The following KCNJ8 variants were observed in gnomAD, a reference collection of about 807,000 sequenced individuals.
KCNJ8 encodes potassium inwardly rectifying channel subfamily J member 8.
KCNJ8 carries 13 observed loss-of-function variants against 28.2 expected under a neutral mutation model. The observed-to-expected ratio is 0.46, with a 90% CI of 0.30 to 0.73. KCNJ8 has a LOEUF of 0.73. Ranked by LOEUF, KCNJ8 falls within the 30% of genes least tolerant of loss-of-function variation. The pLI, the probability that KCNJ8 is intolerant of heterozygous loss-of-function variation, is 0.07. For synonymous variants in KCNJ8, 188 were observed against 195.9 expected (o/e 0.96, Z 0.34); for missense variants, 284 against 542.6 (o/e 0.52, Z 4.73).
rs869253107 is a variant in KCNJ8, at chr12:21,767,322, CA to C, written c.375-700del. Among the ~76,000 whole-genome samples the C allele has an allele frequency of 7.3e-4, 78 of 106,134 alleles. 1 individual carries two copies. The highest frequency in any genetic ancestry group is 1.7e-3 in the African/African-American group (37 of 21,322). 69.6% of individuals were successfully genotyped at this position (106,134 alleles called of 152,430 possible). A position where few individuals can be genotyped will look rare whatever the true frequency, so the allele number is the denominator to read the frequency against. Reference sequence around the variant, plus strand: ...AGGGGTCCCCAACCCCCCCCCCCCCCACCTCCAGGCCAGGGACCAGTGCTGG... The same window carrying C: ...AGGGGTCCCCAACCCCCCCCCCCCCCCCTCCAGGCCAGGGACCAGTGCTGG... On this transcript the variant is annotated intron_variant, in intron 2 of 2. Transcript: ENST00000240662.
intron 2 of KCNJ8, among the ~76,000 whole-genome samples, chr12:21,768,348 C>A (rs1338082132): frequency 6.6e-6 from 1 of 152,196 alleles, no homozygotes; most frequent in Admixed American, 6.5e-5. Flanking sequence ...ATGAGCCATG[C>A]CCATATAAGA....
In KCNJ8 at chr12:21,765,260, G is replaced by A. The variant is rs1940589945; in HGVS notation, c.*463C>T. The A allele has an allele frequency of 4.2e-6, 1 of 237,696 alleles. No homozygotes were observed. Among genetic ancestry groups the A allele is most frequent in the South Asian group, 5.5e-5 (1 of 18,078 alleles). The allele number at this position is 237,696 out of a possible 1,614,324, so 14.7% of individuals were successfully genotyped here. A position where few individuals can be genotyped will look rare whatever the true frequency, so the allele number is the denominator to read the frequency against. The stretch of plus-strand genomic sequence containing the variant: ...ACCAAATGCAGTTATCATGGAGACA[G>A]GAGAAGGCTGATGTACAAAACGCAT... On this transcript the variant is annotated 3_prime_UTR_variant, in exon 3 of 3. Coordinates refer to ENST00000240662, the MANE Select transcript of KCNJ8 (RefSeq NM_004982.4).
In KCNJ8 at chr12:21,773,181, G is replaced by T; in HGVS notation, c.374+62C>A. On this transcript the variant is annotated intron_variant, in intron 2 of 2. Coordinates refer to ENST00000240662, the MANE Select transcript of KCNJ8 (RefSeq NM_004982.4). This position sits in a 1 kb window ranked among gnomAD's most constrained non-coding sequence, Gnocchi z 4.6. ...TTAAATAACAGAATGATAAGAGAAA[G>T]GGCATTTTGACATTTTTTCTCTACT... is the stretch of plus-strand genomic sequence containing the variant. 1 of 1,541,556 alleles carries T rather than the reference G, an allele frequency of 6.5e-7. No homozygotes were observed. Among genetic ancestry groups the T allele is most frequent in the Non-Finnish European group, 8.9e-7 (1 of 1,122,898 alleles).
intron 2 of KCNJ8, among the ~76,000 whole-genome samples, chr12:21,767,231 A>G (rs1296022835): frequency 6.6e-6 from 1 of 152,102 alleles, no homozygotes; most frequent in Non-Finnish European, 1.5e-5. Flanking sequence ...AGTATTTTTA[A>G]TAGAAGGGAG....
Position 21,773,309 on chromosome 12 carries a change from G to T in KCNJ8, c.308C>A (p.Ala103Asp). 1 of 1,614,078 alleles carries T rather than the reference G, an allele frequency of 6.2e-7. No individual in the cohort carries two copies. Among genetic ancestry groups the T allele is most frequent in the Non-Finnish European group, 8.5e-7 (1 of 1,179,996 alleles). Residue 103 changes from alanine (A) to aspartate (D), a missense_variant, in exon 2 of 3, where the codon GCT becomes GAT. Physicochemically the swap from Ala to Asp is moderately radical, Grantham distance 126 (BLOSUM62 -2). Transcript: ENST00000240662. The surrounding 1 kb of genome is among the most constrained non-coding windows in gnomAD (Gnocchi z 4.6). ...LVAFAHGDIY[A>D]YMEKSGMEKS... ...CTCCATTCCACTTTTCTCCATGTAA[G>T]CATAGATGTCCCCATGGGCAAAGGC...
intron 2 of KCNJ8, among the ~76,000 whole-genome samples, chr12:21,771,848 T>C (rs1008757255): frequency 1.3e-5 from 2 of 152,220 alleles, no homozygotes; most frequent in African/African-American, 2.4e-5. Context: ...AGAGTATCTA[T>C]TGAACGTTTT....
chr12:21,772,441 A>C (rs1474391520), intron 2 of KCNJ8, among the ~76,000 whole-genome samples: 1 of 152,190 alleles, frequency 6.6e-6, no homozygotes, highest in Non-Finnish European at 1.5e-5. Flanking sequence ...AAAGCAAGAG[A>C]GGTGAATCAC....
At position 21,766,151 on chromosome 12, in the gene KCNJ8, T is replaced by C; in HGVS notation, c.847A>G (p.Thr283Ala). 6.2e-7 allele frequency: 1 copy of C among 1,614,188 alleles called. No individual in the cohort carries two copies. The highest frequency in any genetic ancestry group is 8.5e-7 in the Non-Finnish European group (1 of 1,180,018). Reference sequence around the variant, plus strand: ...TCCAAGTCTTGGTTGGCCAGGTCAGTTGCTGAGATGTCATACAGGGGACTG... The same window carrying C: ...TCCAAGTCTTGGTTGGCCAGGTCAGCTGCTGAGATGTCATACAGGGGACTG... ...KRSPLYDISA[T>A]DLANQDLEVI... Residue 283 changes from threonine to alanine, a missense_variant, in exon 3 of 3, where the codon ACT becomes GCT. Physicochemically the swap from Thr to Ala is moderately conservative, Grantham distance 58. This residue lies in a region of KCNJ8 where 107 missense variants were observed against 235.6 expected (regional missense o/e 0.45). Transcript: ENST00000240662. This position sits in a 1 kb window ranked among gnomAD's most constrained non-coding sequence, Gnocchi z 6.5.
Position 21,766,489 on chromosome 12 carries a change from T to C in KCNJ8, c.509A>G (p.Asn170Ser). The C allele has an allele frequency of 1.2e-6, 2 of 1,614,102 alleles. No homozygotes were observed. The highest frequency in any genetic ancestry group is 1.1e-5 in the South Asian group (1 of 91,074). Residue 170 changes from asparagine to serine, a missense_variant, in exon 3 of 3, where the codon AAT becomes AGT. This residue lies in a region of KCNJ8 where 16 missense variants were observed against 25.2 expected (regional missense o/e 0.64). Coordinates refer to ENST00000240662, the MANE Select transcript of KCNJ8 (RefSeq NM_004982.4). The surrounding 1 kb of genome is among the most constrained non-coding windows in gnomAD (Gnocchi z 6.5). ...GAAAATGCAGCCTAACATGACTGCATTGATGATCAAACCCACAATATTCTG... is the reference window on the plus strand; with the variant it reads ...GAAAATGCAGCCTAACATGACTGCACTGATGATCAAACCCACAATATTCTG... ...ILQNIVGLII[N>S]AVMLGCIFMK...
intron 2 of KCNJ8, among the ~76,000 whole-genome samples, chr12:21,771,712 T>C (rs1940759711): frequency 6.6e-6 from 1 of 152,218 alleles, no homozygotes; most frequent in Non-Finnish European, 1.5e-5. Context: ...CCATTTCTTT[T>C]TTCTCTTTTT....
At chr12:21,770,688 C>G (rs1940736607) in intron 2 of KCNJ8, among the ~76,000 whole-genome samples, 1 of 152,200 alleles carries the variant, frequency 6.6e-6, no homozygotes, top group Non-Finnish European at 1.5e-5. Context: ...GATTTACTCC[C>G]ATATGGGAAG....
At chr12:21,767,308 ACCC>A (rs757720164) in intron 2 of KCNJ8, among the ~76,000 whole-genome samples, 1,529 of 53,702 alleles carry the variant, frequency 0.028, 17 homozygotes, top group Middle Eastern at 0.15. Context: ...GGGGTCCCCA[ACCC>A]CCCCCCCCCC....
chr12:21,768,745 T>C (rs1940692594), intron 2 of KCNJ8, among the ~76,000 whole-genome samples: 1 of 152,224 alleles, frequency 6.6e-6, no homozygotes, highest in Non-Finnish European at 1.5e-5. Flanking sequence ...GCAGAAAATT[T>C]GAGTGGTCTG....
At chr12:21,772,934 G>A (rs188741139) in intron 2 of KCNJ8, among the ~76,000 whole-genome samples, 95 of 152,200 alleles carry the variant, frequency 6.2e-4, no homozygotes, top group African/African-American at 2.1e-3. Flanking sequence ...CAATGTGTGC[G>A]CTTTTGGAGT....
At chr12:21,771,352 GAT>G (rs1940750885) in intron 2 of KCNJ8, among the ~76,000 whole-genome samples, 1 of 152,170 alleles carries the variant, frequency 6.6e-6, no homozygotes. Context: ...AATCTCAAGA[GAT>G]AAAAGTGTTT....
intron 2 of KCNJ8, among the ~76,000 whole-genome samples, chr12:21,770,267 C>CAAA (rs1191830262): frequency 6.6e-6 from 1 of 152,064 alleles, no homozygotes; most frequent in African/African-American, 2.4e-5. Flanking sequence ...TGAACATTAG[C>CAAA]ATTTTTTAGC....
At chr12:21,768,512 G>C (rs774050679) in intron 2 of KCNJ8, among the ~76,000 whole-genome samples, 1 of 152,160 alleles carries the variant, frequency 6.6e-6, no homozygotes, top group Non-Finnish European at 1.5e-5. Flanking sequence ...CTAAGTGTTC[G>C]AGTAAAGGAA....
chr12:21,773,102 T>C lies in KCNJ8; in HGVS notation c.374+141A>G, dbSNP rs1940798852. 4.2e-6 allele frequency: 4 copies of C among 950,144 alleles called. No homozygotes were observed. The highest frequency in any genetic ancestry group is 1.8e-5 in the Admixed American group (1 of 54,428). The allele number at this position is 950,144 out of a possible 1,614,324, so 58.9% of individuals were successfully genotyped here. A position where few individuals can be genotyped will look rare whatever the true frequency, so the allele number is the denominator to read the frequency against. On this transcript the variant is annotated intron_variant, in intron 2 of 2. Coordinates refer to ENST00000240662, the MANE Select transcript of KCNJ8 (RefSeq NM_004982.4). This position sits in a 1 kb window ranked among gnomAD's most constrained non-coding sequence, Gnocchi z 4.6. ...TTACTGTGTTAGGTGTTGTTCTTTA[T>C]TGTGCTTTTTTGTTTCTGAAGATTC...
intron 2 of KCNJ8, among the ~76,000 whole-genome samples, chr12:21,767,874 T>A (rs1386148171): frequency 6.6e-6 from 1 of 152,218 alleles, no homozygotes; most frequent in Non-Finnish European, 1.5e-5. Context: ...ACTTTGTGTC[T>A]GTGTGTCACA....
Sources: gnomAD v4.1 joint callset for allele counts (sites outside exome capture counted in the v4.1 genomes callset) on GRCh38, gnomAD v4.1.1 for gene constraint, gnomAD v4.1.1 regional missense constraint, Gnocchi (gnomAD v3.1) non-coding constraint, MANE v1.5 for transcripts, NCBI Gene and HGNC (gene_info 2026-07-23, HGNC 2026-07-21) for gene names.